The following MICU1 variants were observed in gnomAD, a reference collection of about 807,000 sequenced individuals.
The protein encoded by MICU1 is mitochondrial calcium uptake 1, also known as calcium uptake protein 1, mitochondrial.
MICU1 carries 45 observed loss-of-function variants against 56.8 expected under a neutral mutation model. That is an observed-to-expected ratio of 0.79 (90% confidence interval 0.62 to 1.02). MICU1 has a LOEUF of 1.02. Among genes scored for constraint, MICU1 ranks in the 50% least tolerant of loss-of-function variants. MICU1 has a pLI of 0.00. For missense variants in MICU1, 504 were observed against 587.1 expected (o/e 0.86, Z 1.46); for synonymous variants, 186 against 195.1 (o/e 0.95, Z 0.39).
chr10:72,597,888 G>A (rs1185724990), intron 1 of MICU1, among the ~76,000 whole-genome samples: 1 of 152,180 alleles, frequency 6.6e-6, no homozygotes, highest in Non-Finnish European at 1.5e-5. Flanking sequence ...GAGGTTAGGT[G>A]TGGCATTTTC....
chr10:72,590,657 C>T (rs1030151724), intron 1 of MICU1, among the ~76,000 whole-genome samples: 3 of 151,634 alleles, frequency 2.0e-5, no homozygotes, highest in East Asian at 1.9e-4. Flanking sequence ...ACTAAAAATA[C>T]AAAAAATTAG....
At chr10:72,455,374 AAAGAT>A in intron 8 of MICU1, among the ~76,000 whole-genome samples, 1 of 150,840 alleles carries the variant, frequency 6.6e-6, no homozygotes, top group African/African-American at 2.4e-5. Flanking sequence ...AAAAAAAAAA[AAAGAT>A]CAAAGTTCAT....
At chr10:72,458,879 ATT>A (rs538552469) in intron 8 of MICU1, among the ~76,000 whole-genome samples, 58,755 of 126,136 alleles carry the variant, frequency 0.47, 12,842 homozygotes, top group Non-Finnish European at 0.58. Flanking sequence ...CCCAGCTACC[ATT>A]TTTTTTTTTT....
intron 5 of MICU1, among the ~76,000 whole-genome samples, chr10:72,518,748 T>A (rs936074028): frequency 6.6e-6 from 1 of 152,188 alleles, no homozygotes; most frequent in Admixed American, 6.5e-5. Flanking sequence ...AGTGGAATGA[T>A]CTCGGCTCAT....
intron 5 of MICU1, among the ~76,000 whole-genome samples, chr10:72,510,487 A>G (rs941990498): frequency 1.3e-5 from 2 of 152,160 alleles, no homozygotes; most frequent in Non-Finnish European, 2.9e-5. Flanking sequence ...CACAATCCCA[A>G]ATGCCATAAT....
intron 1 of MICU1, among the ~76,000 whole-genome samples, chr10:72,576,379 T>C (rs568104559): frequency 1.3e-5 from 2 of 151,652 alleles, no homozygotes; most frequent in South Asian, 4.2e-4. Flanking sequence ...CCAATGAACA[T>C]AAGAATAAAA....
At chr10:72,623,284 G>A (rs1382108641) in intron 1 of MICU1, among the ~76,000 whole-genome samples, 4 of 97,662 alleles carry the variant, frequency 4.1e-5, no homozygotes, top group Admixed American at 1.5e-4. Flanking sequence ...AGACAAGACA[G>A]AGCGAGACTC....
At chr10:72,389,573 G>A (rs569852062) in intron 10 of MICU1, among the ~76,000 whole-genome samples, 2 of 152,172 alleles carry the variant, frequency 1.3e-5, no homozygotes, top group South Asian at 4.1e-4. Flanking sequence ...AATTTTCAGT[G>A]TAAGTAGAAT....
intron 5 of MICU1, chr10:72,524,663 C>A: frequency 9.0e-7 from 1 of 1,110,786 alleles, no homozygotes; most frequent in South Asian, 4.6e-5. Flanking sequence ...TGCGCTGAAC[C>A]TTTGTTCCTG....
At chr10:72,499,857 T>C (rs889748518) in intron 6 of MICU1, among the ~76,000 whole-genome samples, 1 of 152,172 alleles carries the variant, frequency 6.6e-6, no homozygotes, top group Non-Finnish European at 1.5e-5. Context: ...AGCACCACAC[T>C]TTCCAAGTCA....
At chr10:72,390,100 T>TCTCA (rs1274166461) in intron 10 of MICU1, among the ~76,000 whole-genome samples, 2 of 152,182 alleles carry the variant, frequency 1.3e-5, no homozygotes, top group Non-Finnish European at 2.9e-5. Context: ...TGGTTGTTAC[T>TCTCA]CTCACATGGG....
rs185698374 is a variant in MICU1, at chr10:72,479,867, C to T, written c.653-2611G>A. On this transcript the variant is annotated intron_variant, in intron 6 of 11. Coordinates refer to ENST00000361114, the MANE Select transcript of MICU1 (RefSeq NM_001195518.2). Reference sequence around the variant, plus strand: ...TTAAACTTCTGATTATAAATCTCTTCAGGTGGAAATGTTCTCTCTTATTCT... The same window carrying T: ...TTAAACTTCTGATTATAAATCTCTTTAGGTGGAAATGTTCTCTCTTATTCT... Among the ~76,000 whole-genome samples, 834 of 152,284 alleles carry T rather than the reference C, an allele frequency of 5.5e-3. 7 individuals are homozygous for T. The highest frequency in any genetic ancestry group is 0.019 in the African/African-American group (795 of 41,552).
intron 1 of MICU1, among the ~76,000 whole-genome samples, chr10:72,602,935 G>A (rs536954367): frequency 5.9e-5 from 9 of 152,078 alleles, no homozygotes; most frequent in Admixed American, 2.0e-4. Context: ...GTGAAACACC[G>A]CCTCTGCTAA....
intron 1 of MICU1, among the ~76,000 whole-genome samples, chr10:72,604,271 CTTTTT>C: frequency 7.8e-6 from 1 of 128,710 alleles, no homozygotes; most frequent in South Asian, 2.4e-4. Context: ...CTTTCCTGCC[CTTTTT>C]TTTTTTTTTT....
chr10:72,458,489 T>C (rs1193483903), intron 8 of MICU1, among the ~76,000 whole-genome samples: 1 of 152,200 alleles, frequency 6.6e-6, no homozygotes, highest in Non-Finnish European at 1.5e-5. Context: ...CAGTTGCGTA[T>C]ACTGGAAATC....
chr10:72,547,884 G>A (rs1839935614), intron 4 of MICU1, among the ~76,000 whole-genome samples: 1 of 152,150 alleles, frequency 6.6e-6, no homozygotes, highest in South Asian at 2.1e-4. Context: ...CAATTCAAGG[G>A]TATGTTATTA....
chr10:72,396,060 C>G (rs1261063852), intron 10 of MICU1, among the ~76,000 whole-genome samples: 1 of 152,208 alleles, frequency 6.6e-6, no homozygotes, highest in Admixed American at 6.5e-5. Context: ...GCGGCTGCCT[C>G]TCTGGGAGGA....
At chr10:72,534,011 G>C (rs1839559760) in intron 4 of MICU1, among the ~76,000 whole-genome samples, 1 of 152,180 alleles carries the variant, frequency 6.6e-6, no homozygotes, top group East Asian at 1.9e-4. Context: ...AAGGCTCTAA[G>C]AAGGTAAAAA....
At chr10:72,480,542 T>A (rs373438231) in intron 6 of MICU1, among the ~76,000 whole-genome samples, 1 of 152,108 alleles carries the variant, frequency 6.6e-6, no homozygotes, top group Non-Finnish European at 1.5e-5. Context: ...AAAGGGTAGA[T>A]TGCAGGTGGA....
Sources: allele counts gnomAD v4.1 joint callset (sites outside exome capture counted in the v4.1 genomes callset), GRCh38; gene constraint gnomAD v4.1.1; transcripts MANE v1.5; gene names NCBI Gene and HGNC (gene_info 2026-07-23, HGNC 2026-07-21).